Variants in TTC17 observed in about 807,000 individuals in gnomAD.
TTC17 encodes the protein tetratricopeptide repeat domain 17.
A neutral mutation model predicts 143.8 loss-of-function variants in TTC17; 58 were observed. That is an observed-to-expected ratio of 0.40 (90% CI 0.33 to 0.50). The LOEUF is 0.50. TTC17 is among the 20% of genes least tolerant of loss of function. The pLI is 0.49. For missense variants in TTC17, 1,273 were observed against 1,392.5 expected, an observed-to-expected ratio of 0.91 and a Z score of 1.37; for synonymous variants, 501 against 497.8, an observed-to-expected ratio of 1.01 and a Z score of -0.09.
chr11:43,359,415 C>T (rs529478534), intron 1 of TTC17: 2 of 353,512 alleles, frequency 5.7e-6, no homozygotes, highest in Non-Finnish European at 1.0e-5. Flanking sequence ...TTTTTTAGCT[C>T]GGGGTTTAGA....
chr11:43,383,864 C>T (rs1857069461), intron 2 of TTC17, among the ~76,000 whole-genome samples: 1 of 151,848 alleles, frequency 6.6e-6, no homozygotes, highest in Admixed American at 6.6e-5. Flanking sequence ...TAGGGGCAAG[C>T]ACTAAAATAA....
Position 43,391,964 on chromosome 11 carries a change from G to C in TTC17, c.663+12G>C, listed in dbSNP as rs201688053. The C allele has an allele frequency of 1.2e-5, 19 of 1,598,000 alleles. No homozygotes were observed. Among genetic ancestry groups the C allele is most frequent in the Non-Finnish European group, 1.6e-5 (19 of 1,175,520 alleles). On this transcript the variant is annotated intron_variant, in intron 5 of 23. Transcript: ENST00000039989. The stretch of plus-strand genomic sequence containing the variant: ...AAGGCCTACAGAAGGTAAGTCATCA[G>C]TCACTTAAAGAGCCAGCGGGCTGAG...
chr11:43,390,940 C>T (rs1857361174), intron 3 of TTC17, among the ~76,000 whole-genome samples: 1 of 152,144 alleles, frequency 6.6e-6, no homozygotes, highest in Non-Finnish European at 1.5e-5. Context: ...AGTCCATGAT[C>T]TTATTCTGTG....
intron 15 of TTC17, among the ~76,000 whole-genome samples, chr11:43,412,475 A>C (rs1858462442): frequency 6.6e-6 from 1 of 152,190 alleles, no homozygotes; most frequent in South Asian, 2.1e-4. Flanking sequence ...GAAATAAAGA[A>C]AACATCAGAT....
chr11:43,491,038 T>C (rs1948466787), intron 22 of TTC17: 1 of 152,176 alleles, frequency 6.6e-6, no homozygotes, highest in Non-Finnish European at 1.5e-5. Context: ...GGCTGGTGTC[T>C]TCTTTGTTCG....
chr11:43,397,840 C>T, intron 7 of TTC17, 134 bp from the exon 8 acceptor site: 1 of 1,279,764 alleles, frequency 7.8e-7, no homozygotes, highest in East Asian at 2.5e-5. Flanking sequence ...TAGGTGTGAT[C>T]TCATAAATCA....
chr11:43,379,675 T>C (rs929309995), intron 2 of TTC17, among the ~76,000 whole-genome samples: 2 of 152,184 alleles, frequency 1.3e-5, no homozygotes, highest in African/African-American at 4.8e-5. Context: ...GGATAAAATA[T>C]GAAAAGAAAG....
chr11:43,421,904 G>T (rs1946915541), intron 16 of TTC17, among the ~76,000 whole-genome samples: 1 of 147,772 alleles, frequency 6.8e-6, no homozygotes, highest in African/African-American at 2.5e-5. Context: ...TGACAAAAAG[G>T]TTGGGGACTG....
intron 20 of TTC17, 137 bp downstream of exon 20, chr11:43,450,378 G>A (rs1486152699): frequency 1.9e-6 from 2 of 1,033,080 alleles, no homozygotes; most frequent in Admixed American, 3.4e-5. Flanking sequence ...ACCTAGGTGG[G>A]TTTGGGCCAA....
chr11:43,473,922 T>G (rs935910249), intron 21 of TTC17, among the ~76,000 whole-genome samples: 6 of 151,812 alleles, frequency 4.0e-5, no homozygotes, highest in Admixed American at 2.0e-4. Flanking sequence ...TGGATGACCT[T>G]TACAGGGAAG....
chr11:43,436,447 T>C, intron 16 of TTC17: 1 of 1,019,922 alleles, frequency 9.8e-7, no homozygotes. Flanking sequence ...AATCATTATA[T>C]TGTAGCATCA....
chr11:43,414,593 C>G lies in TTC17; in HGVS notation c.2068C>G (p.Leu690Val), dbSNP rs778920362. 4 of 1,596,604 alleles carry G rather than the reference C, an allele frequency of 2.5e-6. No individual in the cohort carries two copies. In the South Asian group the frequency reaches 4.5e-5, roughly 18 times the overall value. ...GCCGATTTTTTTTTCTTTTCAGCCTCTGACCTTTTTGAGCCTGGGAAATGC... is the reference window on the plus strand; with the variant it reads ...GCCGATTTTTTTTTCTTTTCAGCCTGTGACCTTTTTGAGCCTGGGAAATGC... ...QALAINSSEP[L>V]TFLSLGNAYL... is the part of the protein sequence containing the mutation. The change falls in exon 16 of 24, where the codon CTG becomes GTG. Residue 690 changes from leucine (L) to valine (V), a missense_variant. Physicochemically the swap from Leu to Val is conservative, Grantham distance 32. Transcript: ENST00000039989.
intron 21 of TTC17, among the ~76,000 whole-genome samples, chr11:43,469,948 C>T (rs893705683): frequency 6.6e-6 from 1 of 152,044 alleles, no homozygotes; most frequent in Non-Finnish European, 1.5e-5. Context: ...AACTATCCCA[C>T]ATGGAGGCTC....
At position 43,414,788 on chromosome 11, in the gene TTC17, T is replaced by C; in HGVS notation, c.2251+12T>C. The C allele has an allele frequency of 8.1e-6, 13 of 1,608,102 alleles. No individual in the cohort carries two copies. Among genetic ancestry groups the C allele is most frequent in the Non-Finnish European group, 1.1e-5 (13 of 1,178,018 alleles). On this transcript the variant is annotated intron_variant, in intron 16 of 23. Coordinates refer to ENST00000039989, the MANE Select transcript of TTC17 (RefSeq NM_018259.6). ...TTCTGTTTGCAGTGGTAAGCAGCTT[T>C]CAAATGCTGACAAACTAATGAGCTC...
At chr11:43,421,282 G>A (rs1426270820) in intron 16 of TTC17, among the ~76,000 whole-genome samples, 1 of 152,184 alleles carries the variant, frequency 6.6e-6, no homozygotes, top group East Asian at 1.9e-4. Context: ...GAATAGCATT[G>A]CAAATGTTCA....
intron 16 of TTC17, among the ~76,000 whole-genome samples, chr11:43,419,104 T>G (rs1946842963): frequency 6.6e-6 from 1 of 152,200 alleles, no homozygotes; most frequent in East Asian, 1.9e-4. Flanking sequence ...AACCCAAGAT[T>G]TCTGAGCTCT....
intron 1 of TTC17, among the ~76,000 whole-genome samples, chr11:43,370,775 A>G (rs1856533647): frequency 6.7e-6 from 1 of 149,306 alleles, no homozygotes; most frequent in Non-Finnish European, 1.5e-5. Flanking sequence ...AAACTGTCAG[A>G]TAGTTAAAGA....
At chr11:43,476,274 C>G (rs567508493) in intron 21 of TTC17, among the ~76,000 whole-genome samples, 73 of 152,284 alleles carry the variant, frequency 4.8e-4, no homozygotes, top group African/African-American at 1.6e-3. Context: ...CAGGTTGTAT[C>G]AAAAGAATTT....
intron 21 of TTC17, 95 bp downstream of exon 21, chr11:43,451,360 A>T: frequency 9.0e-7 from 1 of 1,105,934 alleles, no homozygotes; most frequent in Non-Finnish European, 1.4e-6. Flanking sequence ...CTCTTCTGTT[A>T]GTTACTTAGC....
Sources: allele counts gnomAD v4.1 joint callset (sites outside exome capture counted in the v4.1 genomes callset), GRCh38; gene constraint gnomAD v4.1.1; transcripts MANE v1.5; gene names NCBI Gene and HGNC (gene_info 2026-07-23, HGNC 2026-07-21).